Variants in ZNF626 observed in about 807,000 individuals in gnomAD.
ZNF626 encodes CTC-513N18.7.
In ZNF626, 4 loss-of-function variants were observed where a neutral mutation model predicts 11.7. The ratio of observed to expected loss-of-function variants is 0.34; its 90% CI spans 0.17 to 0.78. ZNF626 has a LOEUF of 0.78. Among genes scored for constraint, ZNF626 ranks in the 30% least tolerant of loss-of-function variants. The pLI, the probability that ZNF626 is intolerant of heterozygous loss-of-function variation, is 0.57. For synonymous variants in ZNF626, 179 were observed against 198.6 expected (o/e 0.90, Z 0.83); for missense variants, 588 against 587.1 (o/e 1.00, Z -0.01).
At chr19:20,654,757 CA>C (rs1970187152) in intron 1 of ZNF626, among the ~76,000 whole-genome samples, 1 of 151,640 alleles carries the variant, frequency 6.6e-6, no homozygotes, top group Non-Finnish European at 1.5e-5. Flanking sequence ...GCATAAATAA[CA>C]GTATTAAAAT....
rs573752477 is a variant in ZNF626 at position 20,661,356 on chromosome 19, C to A, written c.3+88G>T. On this transcript the variant is annotated intron_variant, in intron 1 of 3. Coordinates refer to ENST00000601440, the MANE Select transcript of ZNF626 (RefSeq NM_001076675.3). ...GGGGAGCAGACTGTGGAGCTGACTG[C>A]GGGGAGGCCTGAGTCCCGCCACAGC... 3,188 of 1,542,770 alleles carry A rather than the reference C, an allele frequency of 2.1e-3. 72 individuals carry two copies. In the South Asian group the frequency reaches 0.034, roughly 16 times the overall value.
intron 3 of ZNF626, among the ~76,000 whole-genome samples, chr19:20,643,080 A>C (rs868923038): frequency 3.3e-5 from 5 of 152,146 alleles, no homozygotes; most frequent in African/African-American, 1.2e-4. Context: ...CATCATATAC[A>C]GGTATTTTGA....
intron 1 of ZNF626, among the ~76,000 whole-genome samples, chr19:20,652,651 G>A (rs1177490372): frequency 6.6e-6 from 1 of 152,180 alleles, no homozygotes; most frequent in African/African-American, 2.4e-5. Flanking sequence ...AATTCAAAGG[G>A]AGGAGAAAGA....
In ZNF626 at chr19:20,620,129, T is replaced by C. The variant is rs779429836; in HGVS notation, c.*4161A>G. On this transcript the variant is annotated 3_prime_UTR_variant, in exon 4 of 4. Coordinates refer to ENST00000601440, the MANE Select transcript of ZNF626 (RefSeq NM_001076675.3). ...GTTAAAAATAATTTTTTGAGTGTGTTTGAAGAGGGCTTTTATTGTTGTACT... is the reference window on the plus strand; with the variant it reads ...GTTAAAAATAATTTTTTGAGTGTGTCTGAAGAGGGCTTTTATTGTTGTACT... 2.0e-5 allele frequency: 3 copies of C among 152,214 alleles called. No individual in the cohort carries two copies. The highest frequency in any genetic ancestry group is 4.4e-5 in the Non-Finnish European group (3 of 68,036). The allele number at this position is 152,214 out of a possible 1,614,324, so 9.4% of individuals were successfully genotyped here.
chr19:20,630,775 T>G (rs1555770283), intron 3 of ZNF626, among the ~76,000 whole-genome samples: 2 of 152,206 alleles, frequency 1.3e-5, no homozygotes, highest in Admixed American at 6.5e-5. Flanking sequence ...TGTGTCTCTA[T>G]TTCCTTCAGT....
intron 3 of ZNF626, among the ~76,000 whole-genome samples, chr19:20,635,475 A>C (rs1439293354): frequency 6.6e-6 from 1 of 152,126 alleles, no homozygotes; most frequent in Non-Finnish European, 1.5e-5. Flanking sequence ...GGTGATCACC[A>C]CCACGCCTGG....
intron 3 of ZNF626, among the ~76,000 whole-genome samples, chr19:20,635,534 G>C (rs2144774375): frequency 6.6e-6 from 1 of 152,016 alleles, no homozygotes; most frequent in South Asian, 2.1e-4. Context: ...TGTTGGCCAG[G>C]ATGGTCTCAA....
At chr19:20,633,136 TC>T (rs1969926554) in intron 3 of ZNF626, among the ~76,000 whole-genome samples, 1 of 152,154 alleles carries the variant, frequency 6.6e-6, no homozygotes, top group South Asian at 2.1e-4. Context: ...GCCTGATCGT[TC>T]CTCTGGAAGT....
At chr19:20,656,624 C>T (rs532694550) in intron 1 of ZNF626, among the ~76,000 whole-genome samples, 2 of 150,422 alleles carry the variant, frequency 1.3e-5, no homozygotes, top group East Asian at 3.9e-4. Flanking sequence ...AAAAAGTAGG[C>T]AAATAACACG....
At chr19:20,649,687 T>G (rs2144788439) in intron 1 of ZNF626, among the ~76,000 whole-genome samples, 1 of 152,328 alleles carries the variant, frequency 6.6e-6, no homozygotes, top group Middle Eastern at 3.4e-3. Flanking sequence ...GCTAAGCATT[T>G]TCTCTCAAGC....
chr19:20,636,416 A>T (rs1302134136), intron 3 of ZNF626, among the ~76,000 whole-genome samples: 1 of 152,040 alleles, frequency 6.6e-6, no homozygotes, highest in East Asian at 1.9e-4. Flanking sequence ...AAATGATGTG[A>T]TGTGACATTC....
Position 20,661,532 on chromosome 19 carries a change from G to GATA in ZNF626, c.-87_-86insTAT. Reference sequence around the variant, plus strand: ...GGGGCCACACAGCCTGGGCCTTTAGGAGAAGAACCAGACCTGGAGCTCTGA... The same window carrying GATA: ...GGGGCCACACAGCCTGGGCCTTTAGGATAAGAAGAACCAGACCTGGAGCTCTGA... On this transcript the variant is annotated 5_prime_UTR_variant, in exon 1 of 4. Transcript: ENST00000601440. 1 of 1,154,856 alleles carries GATA rather than the reference G, an allele frequency of 8.7e-7. No individual in the cohort carries two copies. Among genetic ancestry groups the GATA allele is most frequent in the Non-Finnish European group, 1.2e-6 (1 of 845,126 alleles). The allele number at this position is 1,154,856 out of a possible 1,614,324, so 71.5% of individuals were successfully genotyped here.
At position 20,625,396 on chromosome 19, in the gene ZNF626, T is replaced by C. The variant is rs371095702; in HGVS notation, c.481A>G (p.Asn161Asp). The C allele has an allele frequency of 3.2e-5, 51 of 1,614,022 alleles. No homozygotes were observed. Among genetic ancestry groups the C allele is most frequent in the African/African-American group, 6.7e-5 (5 of 74,946 alleles). ...VKVLHQFPNS[N>D]GQKRGHTGKK... Reference sequence around the variant, plus strand: ...CCAGTATGTCCTCTCTTTTGTCCGTTTGAATTTGGAAATTGATGAAGGACT... The same window carrying C: ...CCAGTATGTCCTCTCTTTTGTCCGTCTGAATTTGGAAATTGATGAAGGACT... The change falls in exon 4 of 4, where the codon AAC (asparagine) becomes GAC (aspartate). Residue 161 changes from asparagine (N) to aspartate (D), a missense_variant. By Grantham distance (23) the Asn-to-Asp change is conservative. Around this residue, in one of 4 missense-constraint regions of ZNF626, gnomAD observed 524 missense variants for 470.1 expected, o/e 1.11. Coordinates refer to ENST00000601440, the MANE Select transcript of ZNF626 (RefSeq NM_001076675.3).
chr19:20,654,936 C>T (rs79484335), intron 1 of ZNF626, among the ~76,000 whole-genome samples: 1 of 151,920 alleles, frequency 6.6e-6, no homozygotes, highest in African/African-American at 2.4e-5. Flanking sequence ...CATGGTAATA[C>T]CCCATCTCTA....
Position 20,624,372 on chromosome 19 carries a change from A to AC in ZNF626, c.1504_1505insG (p.Ile502SerfsTer96). ...ATTTGTAGAATTTCTCTCCAGTATGATTCTCTCATGTGTAGTAAGGATTGA... is the reference window on the plus strand; with the variant it reads ...ATTTGTAGAATTTCTCTCCAGTATGACTTCTCTCATGTGTAGTAAGGATTGA... On this transcript the variant is annotated frameshift_variant, in exon 4 of 4. Transcript: ENST00000601440. LOFTEE classifies it low-confidence loss of function (END_TRUNC). The AC allele has an allele frequency of 1.8e-5, 15 of 816,850 alleles. 6 individuals are homozygous for AC. The highest frequency in any genetic ancestry group is 1.9e-5 in the Non-Finnish European group (11 of 577,684). The allele number at this position is 816,850 out of a possible 1,614,324, so 50.6% of individuals were successfully genotyped here.
intron 3 of ZNF626, among the ~76,000 whole-genome samples, chr19:20,636,540 C>T (rs1555770903): frequency 6.6e-6 from 1 of 150,930 alleles, no homozygotes; most frequent in Non-Finnish European, 1.5e-5. Flanking sequence ...TAAAGTAATA[C>T]AGAGGTTACT....
In ZNF626 at chr19:20,621,959, G is replaced by C. The variant is rs1555768783; in HGVS notation, c.*2331C>G. The C allele has an allele frequency of 2.0e-5, 3 of 152,202 alleles. No individual in the cohort carries two copies. The highest frequency in any genetic ancestry group is 4.4e-5 in the Non-Finnish European group (3 of 68,044). The allele number at this position is 152,202 out of a possible 1,614,324, so 9.4% of individuals were successfully genotyped here. ...CCCAACACTTTGAGAGCCTGAGGTG[G>C]GTGGATCGCTTGAGCTCAGGAGTTT... On this transcript the variant is annotated 3_prime_UTR_variant, in exon 4 of 4. Transcript: ENST00000601440.
intron 3 of ZNF626, among the ~76,000 whole-genome samples, chr19:20,638,225 C>A (rs1200424905): frequency 6.6e-5 from 10 of 152,062 alleles, no homozygotes; most frequent in African/African-American, 2.4e-4. Flanking sequence ...GAGTTCAAGA[C>A]CAGCCTGGCC....
intron 3 of ZNF626, 122 bp from the exon 4 acceptor site, chr19:20,625,772 C>G (rs1969823415): frequency 1.9e-6 from 2 of 1,036,790 alleles, no homozygotes; most frequent in Non-Finnish European, 2.6e-6. Flanking sequence ...GAAAATACCA[C>G]AAGCTGTAAT....
Sources: allele counts gnomAD v4.1 joint callset (sites outside exome capture counted in the v4.1 genomes callset), GRCh38; gene constraint gnomAD v4.1.1; regional missense constraint gnomAD v4.1.1; transcripts MANE v1.5; gene names NCBI Gene and HGNC (gene_info 2026-07-23, HGNC 2026-07-21).